SMYD1: variants seen among roughly 807,000 people sequenced by gnomAD.
SMYD1 encodes histone-lysine N-methyltransferase SMYD1.
A neutral mutation model predicts 54.0 loss-of-function variants in SMYD1; 49 were observed. The ratio of observed to expected loss-of-function variants is 0.91; its 90% CI spans 0.72 to 1.15. The LOEUF is 1.15. Ranked by LOEUF, SMYD1 falls within the 50% of genes most tolerant of loss-of-function variation. The probability of loss-of-function intolerance (pLI) is 0.00; values close to 1 mark genes in which losing one functional copy is unlikely to be tolerated. For synonymous variants in SMYD1, 269 were observed against 234.2 expected (o/e 1.15, Z -1.36); for missense variants, 653 against 639.6 (o/e 1.02, Z -0.23).
intron 2 of SMYD1, among the ~76,000 whole-genome samples, chr2:88,084,949 CATGT>C (rs932358396): frequency 2.6e-5 from 4 of 152,040 alleles, no homozygotes; most frequent in Non-Finnish European, 5.9e-5. Flanking sequence ...GGGGTTTTAT[CATGT>C]TGCCCAGGGT....
At position 88,108,540 on chromosome 2, in the gene SMYD1, G is replaced by T. The variant is rs1674938912; in HGVS notation, c.1314+1G>T. On this transcript the variant is annotated splice_donor_variant, in intron 9 of 9. Transcript: ENST00000419482. LOFTEE classifies it high-confidence loss of function. ...CCACCCCATCACTAAGGACTTAGAG[G>T]CAAGTAGCGTCTTGAGGCTGGTGTT... is the stretch of plus-strand genomic sequence containing the variant. 2 of 1,577,378 alleles carry T rather than the reference G, an allele frequency of 1.3e-6. No homozygotes were observed. The highest frequency in any genetic ancestry group is 1.7e-6 in the Non-Finnish European group (2 of 1,161,458).
intron 1 of SMYD1, among the ~76,000 whole-genome samples, chr2:88,076,114 A>G (rs1674055916): frequency 6.6e-6 from 1 of 152,122 alleles, no homozygotes; most frequent in South Asian, 2.1e-4. Context: ...CGAAACTTAC[A>G]GCAAGTTACC....
At chr2:88,088,447 A>G (rs951220600) in intron 3 of SMYD1, among the ~76,000 whole-genome samples, 1 of 152,126 alleles carries the variant, frequency 6.6e-6, no homozygotes, top group East Asian at 1.9e-4. Flanking sequence ...CTGTCAGGCC[A>G]GAGTTGGGAG....
chr2:88,083,424 C>T (rs1674245820), intron 1 of SMYD1, among the ~76,000 whole-genome samples: 1 of 152,036 alleles, frequency 6.6e-6, no homozygotes, highest in South Asian at 2.1e-4. Flanking sequence ...AGGCTGGAAG[C>T]ACCGGGCGGG....
At chr2:88,073,896 A>G (rs1674001672) in intron 1 of SMYD1, among the ~76,000 whole-genome samples, 1 of 152,142 alleles carries the variant, frequency 6.6e-6, no homozygotes, top group Non-Finnish European at 1.5e-5. Context: ...GATGCCCTCA[A>G]TTTTTAAGTA....
At chr2:88,070,447 AGT>A (rs763804669) in intron 1 of SMYD1, among the ~76,000 whole-genome samples, 59 of 151,354 alleles carry the variant, frequency 3.9e-4, no homozygotes, top group African/African-American at 1.2e-3. Context: ...TCTTTCAAAC[AGT>A]GTGTATTATA....
At position 88,112,545 on chromosome 2, in the gene SMYD1, A is replaced by T; in HGVS notation, c.*2033A>T. On this transcript the variant is annotated 3_prime_UTR_variant, in exon 10 of 10. Transcript: ENST00000419482. ...GGTGCAATCAGTAAAAATGCTGAGAACTCTTGGATCTTAATCTTCATGACT... is the reference window on the plus strand; with the variant it reads ...GGTGCAATCAGTAAAAATGCTGAGATCTCTTGGATCTTAATCTTCATGACT... 5.5e-6 allele frequency: 1 copy of T among 183,480 alleles called. No homozygotes were observed. The highest frequency in any genetic ancestry group is 1.1e-5 in the Non-Finnish European group (1 of 87,654). The allele number at this position is 183,480 out of a possible 1,614,324, so 11.4% of individuals were successfully genotyped here.
intron 6 of SMYD1, among the ~76,000 whole-genome samples, chr2:88,101,581 GTTTAA>G (rs1243280984): frequency 1.3e-5 from 2 of 152,168 alleles, no homozygotes; most frequent in East Asian, 3.8e-4. Flanking sequence ...CATATCCATT[GTTTAA>G]TTTAATTTAA....
At position 88,112,009 on chromosome 2, in the gene SMYD1, C is replaced by T; in HGVS notation, c.*1497C>T. 1.4e-6 allele frequency: 1 copy of T among 701,750 alleles called. No homozygotes were observed. The highest frequency in any genetic ancestry group is 1.5e-5 in the South Asian group (1 of 67,288). 43.5% of individuals were successfully genotyped at this position (701,750 alleles called of 1,614,324 possible). ...CCTGCTGTGTCCCTCTGAGCACTAC[C>T]CAGTGGCTGAAAACTCTGCAAATGG... is the stretch of plus-strand genomic sequence containing the variant. On this transcript the variant is annotated 3_prime_UTR_variant, in exon 10 of 10. Coordinates refer to ENST00000419482, the MANE Select transcript of SMYD1 (RefSeq NM_198274.4).
intron 1 of SMYD1, among the ~76,000 whole-genome samples, chr2:88,077,580 C>T (rs536829783): frequency 1.3e-5 from 2 of 152,198 alleles, no homozygotes; most frequent in East Asian, 1.9e-4. Context: ...TCGGGAGAAA[C>T]GAGACTTGCT....
intron 2 of SMYD1, among the ~76,000 whole-genome samples, chr2:88,086,539 C>T (rs1178082947): frequency 2.0e-5 from 3 of 152,168 alleles, no homozygotes; most frequent in Non-Finnish European, 4.4e-5. Context: ...CACCTGGCCT[C>T]CTCCTCTTCC....
Position 88,111,979 on chromosome 2 carries a change from G to T in SMYD1, c.*1467G>T. ...GTTAGCTTCTCCATCCTCACCACAT[G>T]ATGACCTGCTGTGTCCCTCTGAGCA... On this transcript the variant is annotated 3_prime_UTR_variant, in exon 10 of 10. Transcript: ENST00000419482. 1 of 689,240 alleles carries T rather than the reference G, an allele frequency of 1.5e-6. No individual in the cohort carries two copies. The highest frequency in any genetic ancestry group is 1.5e-5 in the South Asian group (1 of 65,590). 42.7% of individuals were successfully genotyped at this position (689,240 alleles called of 1,614,324 possible).
intron 1 of SMYD1, among the ~76,000 whole-genome samples, chr2:88,078,643 C>T (rs1216199578): frequency 1.3e-5 from 2 of 152,206 alleles, no homozygotes; most frequent in Non-Finnish European, 2.9e-5. Context: ...TCTTGCTACT[C>T]AAAGTTGAAG....
intron 8 of SMYD1, among the ~76,000 whole-genome samples, chr2:88,107,868 A>G (rs1013975707): frequency 1.2e-4 from 18 of 152,156 alleles, no homozygotes; most frequent in African/African-American, 3.9e-4. Flanking sequence ...TGGAAAGGGA[A>G]TTCCCTGACC....
rs572076811 is a variant in SMYD1 at position 88,113,253 on chromosome 2, T to C, written c.*2741T>C. 1 of 152,304 alleles carries C rather than the reference T, an allele frequency of 6.6e-6. No individual in the cohort carries two copies. Among genetic ancestry groups the C allele is most frequent in the African/African-American group, 2.4e-5 (1 of 41,564 alleles). 9.4% of individuals were successfully genotyped at this position (152,304 alleles called of 1,614,324 possible). A position where few individuals can be genotyped will look rare whatever the true frequency, so the allele number is the denominator to read the frequency against. On this transcript the variant is annotated 3_prime_UTR_variant, in exon 10 of 10. Transcript: ENST00000419482. The stretch of plus-strand genomic sequence containing the variant: ...AGGTGCTCAGTAAATGTGTGTTGAA[T>C]AAATGAATGAATGAATGAACAAATG...
At chr2:88,074,268 A>G (rs13387249) in intron 1 of SMYD1, among the ~76,000 whole-genome samples, 10,663 of 152,324 alleles carry the variant, frequency 0.07, 434 homozygotes, top group South Asian at 0.14. Context: ...AGTCTAAAAC[A>G]GGCTGACACT....
chr2:88,077,011 CAAA>C (rs112988082), intron 1 of SMYD1, among the ~76,000 whole-genome samples: 18 of 117,176 alleles, frequency 1.5e-4, no homozygotes, highest in East Asian at 3.0e-4. Flanking sequence ...GACCCTGTCT[CAAA>C]AAAAAAAAAA....
intron 7 of SMYD1, among the ~76,000 whole-genome samples, chr2:88,105,025 C>T (rs1461186690): frequency 2.0e-5 from 3 of 152,234 alleles, no homozygotes; most frequent in East Asian, 3.9e-4. Flanking sequence ...CACTGAGCCT[C>T]AGAACCACCC....
chr2:88,076,639 A>G (rs1371702660), intron 1 of SMYD1, among the ~76,000 whole-genome samples: 1 of 152,234 alleles, frequency 6.6e-6, no homozygotes, highest in Non-Finnish European at 1.5e-5. Context: ...GAAGAAAAGA[A>G]GAAGGAATGA....
Sources: gnomAD v4.1 joint callset for allele counts (sites outside exome capture counted in the v4.1 genomes callset) on GRCh38, gnomAD v4.1.1 for gene constraint, MANE v1.5 for transcripts, NCBI Gene and HGNC (gene_info 2026-07-23, HGNC 2026-07-21) for gene names.